TMEM236: variants seen among roughly 807,000 people sequenced by gnomAD.
The protein encoded by TMEM236 is transmembrane protein 236.
In TMEM236, 11 loss-of-function variants were observed where a neutral mutation model predicts 14.7. The observed-to-expected ratio is 0.75, with a 90% CI of 0.47 to 1.24. The LOEUF (loss-of-function observed/expected upper bound fraction) is 1.24. TMEM236 is among the 50% of genes most tolerant of loss of function. The probability of loss-of-function intolerance (pLI) is 0.00; values close to 1 mark genes in which losing one functional copy is unlikely to be tolerated. For missense variants in TMEM236, 464 were observed against 427.3 expected (o/e 1.09, Z -0.76); for synonymous variants, 182 against 168.6 (o/e 1.08, Z -0.62).
intron 2 of TMEM236, among the ~76,000 whole-genome samples, chr10:17,774,842 C>G (rs1837634143): frequency 6.6e-6 from 1 of 151,258 alleles, no homozygotes; most frequent in Admixed American, 6.6e-5. Flanking sequence ...CTCTGTTGCC[C>G]AGGCCAGTGC....
intron 1 of TMEM236, among the ~76,000 whole-genome samples, chr10:17,766,806 G>A (rs1033918668): frequency 2.0e-5 from 3 of 152,164 alleles, no homozygotes; most frequent in Admixed American, 6.5e-5. Context: ...GCTTCCTTCC[G>A]AGGGATATGA....
At chr10:17,755,269 C>T (rs1337058426) in intron 1 of TMEM236, among the ~76,000 whole-genome samples, 4 of 152,064 alleles carry the variant, frequency 2.6e-5, no homozygotes, top group East Asian at 1.9e-4. Flanking sequence ...ATTTTGAAAG[C>T]GAATGACATA....
intron 1 of TMEM236, among the ~76,000 whole-genome samples, chr10:17,760,010 A>AAC (rs1837335800): frequency 6.8e-6 from 1 of 147,806 alleles, no homozygotes; most frequent in Non-Finnish European, 1.5e-5. Flanking sequence ...AAAAAAAAAA[A>AAC]AGATTGCCCC....
intron 1 of TMEM236, among the ~76,000 whole-genome samples, chr10:17,764,396 C>G (rs1329999461): frequency 6.6e-6 from 1 of 152,176 alleles, no homozygotes; most frequent in East Asian, 1.9e-4. Flanking sequence ...TTACACCATG[C>G]CCACGTATCC....
chr10:17,776,930 C>T (rs1302353457), intron 3 of TMEM236, among the ~76,000 whole-genome samples: 2 of 152,104 alleles, frequency 1.3e-5, no homozygotes, highest in African/African-American at 4.8e-5. Context: ...CATTAAATTT[C>T]TTGCGGTAGT....
At chr10:17,768,328 T>G (rs1344123701) in intron 1 of TMEM236, among the ~76,000 whole-genome samples, 2 of 152,090 alleles carry the variant, frequency 1.3e-5, no homozygotes, top group African/African-American at 4.8e-5. Flanking sequence ...CTCATCCAAG[T>G]TTAAACTTTA....
intron 1 of TMEM236, among the ~76,000 whole-genome samples, chr10:17,759,866 C>T (rs1837330771): frequency 6.6e-6 from 1 of 151,362 alleles, no homozygotes. Flanking sequence ...CTGTATAGTC[C>T]CAGCTACTCG....
At chr10:17,781,519 G>A (rs1198334461) in intron 3 of TMEM236, among the ~76,000 whole-genome samples, 2 of 152,040 alleles carry the variant, frequency 1.3e-5, no homozygotes, top group Non-Finnish European at 2.9e-5. Flanking sequence ...TGGGGGTGGG[G>A]GGGATCACCT....
rs924918116 is a variant in TMEM236, at chr10:17,769,559, T to G, written c.258-1750T>G. Among the ~76,000 whole-genome samples the G allele has an allele frequency of 3.8e-3, 571 of 152,254 alleles. 2 individuals carry two copies. The highest frequency in any genetic ancestry group is 0.013 in the African/African-American group (548 of 41,546). On this transcript the variant is annotated intron_variant, in intron 1 of 3. Transcript: ENST00000377495. The stretch of plus-strand genomic sequence containing the variant: ...GCATTGTCATCGTTTAGAGGTCAGG[T>G]TGAGAAGAAGAGAACTTTATGAGTG...
At chr10:17,790,103 G>A (rs1168119400) in intron 3 of TMEM236, among the ~76,000 whole-genome samples, 1 of 152,130 alleles carries the variant, frequency 6.6e-6, no homozygotes, top group African/African-American at 2.4e-5. Flanking sequence ...CATAGCGCAT[G>A]CCTGTAGTCC....
intron 3 of TMEM236, among the ~76,000 whole-genome samples, chr10:17,785,518 A>G (rs979475060): frequency 6.6e-5 from 10 of 152,328 alleles, no homozygotes; most frequent in Middle Eastern, 3.4e-3. Context: ...TTTACCAAAT[A>G]GCATGTAAGA....
intron 1 of TMEM236, among the ~76,000 whole-genome samples, chr10:17,753,326 C>T (rs1197342681): frequency 2.6e-5 from 4 of 152,244 alleles, no homozygotes; most frequent in South Asian, 2.1e-4. Flanking sequence ...GGGGATTTGT[C>T]GTACAGATTA....
rs1207991283 is a variant in TMEM236, at chr10:17,798,702, A to T, written c.*2198A>T. On this transcript the variant is annotated 3_prime_UTR_variant, in exon 4 of 4. Transcript: ENST00000377495. ...GCTTGCCTTCCAGCTTTCTAATTTG[A>T]GGTAGGTTCTATAACCTCTGTGGGT... The T allele has an allele frequency of 1.9e-6, 1 of 534,372 alleles. No individual in the cohort carries two copies. The highest frequency in any genetic ancestry group is 3.8e-6 in the Non-Finnish European group (1 of 259,918). The allele number at this position is 534,372 out of a possible 1,614,324, so 33.1% of individuals were successfully genotyped here.
At chr10:17,768,593 A>C (rs1837513936) in intron 1 of TMEM236, among the ~76,000 whole-genome samples, 1 of 152,190 alleles carries the variant, frequency 6.6e-6, no homozygotes, top group Non-Finnish European at 1.5e-5. Context: ...GCTGGAAATA[A>C]AGTAGCAAAC....
chr10:17,794,495 A>G lies in TMEM236; in HGVS notation c.473-1426A>G, dbSNP rs1160461986. On this transcript the variant is annotated intron_variant, in intron 3 of 3. Transcript: ENST00000377495. ...CTTGAGATTTGAGAATTTGTACATA[A>G]TCCAACCTCAACACCCATGTATTAT... 9.4e-5 allele frequency among the ~76,000 whole-genome samples: 11 copies of G among 116,970 alleles called. No homozygotes were observed. The South Asian group carries it at 2.5e-3, about 27-fold the overall frequency. 76.7% of individuals were successfully genotyped at this position (116,970 alleles called of 152,430 possible). A position where few individuals can be genotyped will look rare whatever the true frequency, so the allele number is the denominator to read the frequency against.
chr10:17,785,733 C>A (rs1048860321), intron 3 of TMEM236, among the ~76,000 whole-genome samples: 1 of 151,834 alleles, frequency 6.6e-6, no homozygotes, highest in African/African-American at 2.4e-5. Flanking sequence ...ACACTGTGTC[C>A]GGGGACCAAC....
rs1269670680 is a variant in TMEM236, at chr10:17,800,561, T to C, written c.*4057T>C. 2 of 152,140 alleles carry C rather than the reference T, an allele frequency of 1.3e-5. No homozygotes were observed. The highest frequency in any genetic ancestry group is 2.4e-5 in the African/African-American group (1 of 41,430). 9.4% of individuals were successfully genotyped at this position (152,140 alleles called of 1,614,324 possible). A position where few individuals can be genotyped will look rare whatever the true frequency, so the allele number is the denominator to read the frequency against. On this transcript the variant is annotated 3_prime_UTR_variant, in exon 4 of 4. Transcript: ENST00000377495. ...ACTGAATGACAATTGCAATGAGGCA[T>C]AGGAAAGAAAAGGGAAATGAAATTG...
chr10:17,790,790 A>T (rs1253792644), intron 3 of TMEM236, among the ~76,000 whole-genome samples: 1 of 152,164 alleles, frequency 6.6e-6, no homozygotes, highest in East Asian at 1.9e-4. Flanking sequence ...CCTTGGGAGA[A>T]ATAGATTTGG....
intron 3 of TMEM236, among the ~76,000 whole-genome samples, chr10:17,791,900 G>A (rs1335027834): frequency 3.3e-5 from 5 of 152,140 alleles, no homozygotes; most frequent in African/African-American, 1.2e-4. Context: ...GAAGCTATGA[G>A]CTACTTCTGT....
Sources: allele counts gnomAD v4.1 joint callset (sites outside exome capture counted in the v4.1 genomes callset), GRCh38; gene constraint gnomAD v4.1.1; transcripts MANE v1.5; gene names NCBI Gene and HGNC (gene_info 2026-07-23, HGNC 2026-07-21).